Variants in TTLL1 observed in about 807,000 individuals in gnomAD.
TTLL1 encodes the protein polyglutamylase complex subunit TTLL1.
Under a neutral mutation model 47.8 loss-of-function variants are expected in TTLL1, and 33 were observed. The observed-to-expected ratio is 0.69, with a 90% CI of 0.52 to 0.92. The LOEUF (loss-of-function observed/expected upper bound fraction) is 0.92. Among genes scored for constraint, TTLL1 ranks in the 40% least tolerant of loss-of-function variants. TTLL1 has a pLI of 0.00. For missense variants in TTLL1, 488 were observed against 547.5 expected (o/e 0.89, Z 1.08); for synonymous variants, 225 against 214.1 (o/e 1.05, Z -0.45).
chr22:43,061,033 T>TAAAA (rs1927355809), intron 7 of TTLL1, among the ~76,000 whole-genome samples: 1 of 151,972 alleles, frequency 6.6e-6, no homozygotes, highest in Non-Finnish European at 1.5e-5. Context: ...TCGTCTCTAC[T>TAAAA]AAAAACCCCA....
At chr22:43,073,904 C>T (rs993125189) in intron 3 of TTLL1, among the ~76,000 whole-genome samples, 3 of 151,828 alleles carry the variant, frequency 2.0e-5, no homozygotes, top group Admixed American at 6.6e-5. Context: ...TCACTGCAAC[C>T]TCCACCTCCT....
chr22:43,073,868 T>C (rs147568464), intron 3 of TTLL1, among the ~76,000 whole-genome samples: 508 of 150,796 alleles, frequency 3.4e-3, no homozygotes, highest in African/African-American at 0.012. Flanking sequence ...GTCACCCAGG[T>C]TGGAGTGCAG....
intron 3 of TTLL1, chr22:43,070,293 G>T (rs1928032199): frequency 4.7e-5 from 47 of 1,005,304 alleles, no homozygotes; most frequent in Non-Finnish European, 6.4e-5. Context: ...GTCAGTATTT[G>T]ATATTCTTGG....
intron 8 of TTLL1, chr22:43,052,149 G>T (rs1926681900): frequency 8.6e-6 from 4 of 467,212 alleles, no homozygotes; most frequent in South Asian, 2.1e-5. Flanking sequence ...GGCTTGACTA[G>T]CACCCAACCC....
At chr22:43,050,480 A>G (rs956707554) in intron 9 of TTLL1, among the ~76,000 whole-genome samples, 3 of 150,014 alleles carry the variant, frequency 2.0e-5, no homozygotes, top group African/African-American at 7.3e-5. Context: ...CATCCAGGAG[A>G]GACTTCCATT....
chr22:43,068,642 A>G, intron 4 of TTLL1, 52 bp from the exon 5 acceptor site: 1 of 1,369,304 alleles, frequency 7.3e-7, no homozygotes, highest in Non-Finnish European at 9.6e-7. Flanking sequence ...AACAGTGGCC[A>G]TGAACAGAAA....
chr22:43,040,019 GC>G, intron 10 of TTLL1, 114 bp from the exon 11 acceptor site: 1 of 1,458,504 alleles, frequency 6.9e-7, no homozygotes, highest in Non-Finnish European at 9.2e-7. Context: ...GCCTGAGGGG[GC>G]CCCACCCTCG....
chr22:43,047,628 C>T (rs986641427), intron 9 of TTLL1, among the ~76,000 whole-genome samples: 2 of 152,244 alleles, frequency 1.3e-5, no homozygotes, highest in African/African-American at 2.4e-5. Flanking sequence ...ACCACCACGC[C>T]TGGCTAATAC....
Position 43,068,430 on chromosome 22 carries a change from G to A in TTLL1, c.483C>T (p.Ser161=). 6.5e-7 allele frequency: 1 copy of A among 1,539,010 alleles called. No homozygotes were observed. Among genetic ancestry groups the A allele is most frequent in the South Asian group, 1.2e-5 (1 of 83,088 alleles). Residue 161 remains serine (S), a synonymous_variant, in exon 5 of 11, where the codon TCC becomes TCT. Coordinates refer to ENST00000266254, the MANE Select transcript of TTLL1 (RefSeq NM_012263.5). ...CTTACGAAGATGTCTTGCTGTCCCG[G>A]GACCACTTTTTGATCTGTGAGAGCT... ...INKLSQIKKW[S]RDSKTSSFVS... is the part of the protein sequence containing the mutation.
intron 5 of TTLL1, 46 bp downstream of exon 5, chr22:43,068,364 G>A: frequency 7.1e-7 from 1 of 1,414,880 alleles, no homozygotes; most frequent in Non-Finnish European, 9.4e-7. Flanking sequence ...GCATAAAACG[G>A]TGAACTGGGA....
chr22:43,041,532 C>CTTTT lies in TTLL1; in HGVS notation c.1143-1631_1143-1628dup, dbSNP rs112180579. On this transcript the variant is annotated intron_variant, in intron 10 of 10. Transcript: ENST00000266254. ...GTGGGAAGAAAGCATTTTCTGATTCCTTTTTTTTTTTTTAAACGGTCACCC... is the reference window on the plus strand; with the variant it reads ...GTGGGAAGAAAGCATTTTCTGATTCCTTTTTTTTTTTTTTTTTAAACGGTCACCC... Among the ~76,000 whole-genome samples the CTTTT allele has an allele frequency of 1.4e-4, 20 of 140,278 alleles. 1 individual carries two copies. Among genetic ancestry groups the CTTTT allele is most frequent in the South Asian group, 2.2e-4 (1 of 4,500 alleles). 92.0% of individuals were successfully genotyped at this position (140,278 alleles called of 152,430 possible).
intron 9 of TTLL1, 90 bp downstream of exon 9, chr22:43,051,711 G>A (rs1926634604): frequency 1.6e-6 from 2 of 1,226,190 alleles, no homozygotes; most frequent in African/African-American, 1.5e-5. Context: ...GAAACATCTG[G>A]GGCCTGGGGG....
At chr22:43,064,115 A>G in intron 6 of TTLL1, 75 bp downstream of exon 6, 1 of 1,573,344 alleles carries the variant, frequency 6.4e-7, no homozygotes, top group South Asian at 1.2e-5. Flanking sequence ...ATGAAACCTC[A>G]CAATGGTGCT....
chr22:43,069,220 C>CAAAAAAAAAAA (rs66913313), intron 4 of TTLL1, among the ~76,000 whole-genome samples: 2 of 80,396 alleles, frequency 2.5e-5, no homozygotes, highest in Admixed American at 1.3e-4. Flanking sequence ...ACTAAAAATA[C>CAAAAAAAAAAA]AAAAAAAAAA....
intron 9 of TTLL1, among the ~76,000 whole-genome samples, chr22:43,049,261 T>C (rs930349467): frequency 3.3e-5 from 5 of 151,700 alleles, no homozygotes; most frequent in African/African-American, 7.3e-5. Flanking sequence ...TGGTGGCTCA[T>C]GCCTGTAATC....
intron 9 of TTLL1, among the ~76,000 whole-genome samples, chr22:43,049,565 A>C (rs972805408): frequency 2.1e-5 from 3 of 143,038 alleles, no homozygotes; most frequent in African/African-American, 7.9e-5. Flanking sequence ...ACACAAAAAA[A>C]CCCAGCTTGC....
intron 10 of TTLL1, among the ~76,000 whole-genome samples, chr22:43,044,901 C>T (rs532857894): frequency 6.6e-6 from 1 of 150,872 alleles, no homozygotes; most frequent in Non-Finnish European, 1.5e-5. Context: ...CTCACTCTGT[C>T]GCCCAGGCTG....
chr22:43,081,836 C>A (rs1184498239), intron 1 of TTLL1, among the ~76,000 whole-genome samples: 2 of 134,144 alleles, frequency 1.5e-5, no homozygotes, highest in Non-Finnish European at 3.1e-5. Context: ...CGTGAGCCAT[C>A]ACACCTGGCC....
At chr22:43,059,690 T>G (rs535035895) in intron 7 of TTLL1, among the ~76,000 whole-genome samples, 163 bp from the exon 8 acceptor site, 1 of 152,172 alleles carries the variant, frequency 6.6e-6, no homozygotes, top group South Asian at 2.1e-4. Flanking sequence ...CTGGGCCGGC[T>G]ATTTTCCGTT....
Sources: gnomAD v4.1 joint callset for allele counts (sites outside exome capture counted in the v4.1 genomes callset) on GRCh38, gnomAD v4.1.1 for gene constraint, MANE v1.5 for transcripts, NCBI Gene and HGNC (gene_info 2026-07-23, HGNC 2026-07-21) for gene names.